Variants in CENPP observed in about 807,000 individuals in gnomAD.
CENPP encodes centromere protein P.
CENPP carries 24 observed loss-of-function variants against 35.6 expected under a neutral mutation model. The observed-to-expected ratio is 0.67, with a 90% confidence interval of 0.49 to 0.95. The LOEUF (loss-of-function observed/expected upper bound fraction) is 0.95, where lower values mean the gene tolerates loss of function less well. Among genes scored for constraint, CENPP ranks in the 40% least tolerant of loss-of-function variants. The pLI is 0.00. For synonymous variants in CENPP, 120 were observed against 125.5 expected (o/e 0.96, Z 0.29); for missense variants, 332 against 345.3 (o/e 0.96, Z 0.31).
intron 5 of CENPP, among the ~76,000 whole-genome samples, chr9:92,589,000 A>C (rs915754542): frequency 3.9e-5 from 6 of 152,128 alleles, no homozygotes; most frequent in Admixed American, 6.6e-5. Flanking sequence ...TTAATATGCA[A>C]ATGTATCATT....
chr9:92,421,417 G>A (rs1019402431), intron 5 of CENPP, among the ~76,000 whole-genome samples: 5 of 152,162 alleles, frequency 3.3e-5, no homozygotes, highest in African/African-American at 1.2e-4. Flanking sequence ...ACATATTTGG[G>A]CTGTGATTTC....
intron 5 of CENPP, among the ~76,000 whole-genome samples, chr9:92,432,976 T>C (rs181999268): frequency 9.3e-4 from 142 of 152,326 alleles, no homozygotes; most frequent in Admixed American, 4.6e-3. Flanking sequence ...GAATCTTTCA[T>C]GGTATTGATT....
At position 92,614,001 on chromosome 9, in the gene CENPP, G is replaced by A. The variant is rs1374839621; in HGVS notation, c.*852G>A. 1 of 152,288 alleles carries A rather than the reference G, an allele frequency of 6.6e-6. No homozygotes were observed. Among genetic ancestry groups the A allele is most frequent in the Non-Finnish European group, 1.5e-5 (1 of 68,100 alleles). 9.4% of individuals were successfully genotyped at this position (152,288 alleles called of 1,614,324 possible). A position where few individuals can be genotyped will look rare whatever the true frequency, so the allele number is the denominator to read the frequency against. On this transcript the variant is annotated 3_prime_UTR_variant, in exon 8 of 8. Coordinates refer to ENST00000375587, the MANE Select transcript of CENPP (RefSeq NM_001012267.3). ...CCACAGCAGTGGCACCCGCGGCTCA[G>A]GGGCTCCTCACAGCCCGGGCTGGTG...
intron 5 of CENPP, among the ~76,000 whole-genome samples, chr9:92,556,193 G>A (rs1044141159): frequency 6.6e-6 from 1 of 152,134 alleles, no homozygotes; most frequent in African/African-American, 2.4e-5. Flanking sequence ...TATTTACATG[G>A]TTTTGAAGTT....
chr9:92,543,581 T>TG (rs1849364686), intron 5 of CENPP, among the ~76,000 whole-genome samples: 1 of 151,750 alleles, frequency 6.6e-6, no homozygotes, highest in East Asian at 1.9e-4. Flanking sequence ...AGAATGACAT[T>TG]GAAAAAAAAA....
At chr9:92,483,875 C>G (rs1845991555) in intron 5 of CENPP, among the ~76,000 whole-genome samples, 1 of 152,202 alleles carries the variant, frequency 6.6e-6, no homozygotes, top group Non-Finnish European at 1.5e-5. Flanking sequence ...CATTAGTGGC[C>G]CTCTGTAACT....
chr9:92,389,495 A>C (rs1264255783), intron 5 of CENPP: 1 of 159,112 alleles, frequency 6.3e-6, no homozygotes, highest in Non-Finnish European at 1.4e-5. Context: ...ATTTGCTAAC[A>C]TTGTAAGGAA....
At chr9:92,350,823 C>T (rs1056512899) in intron 4 of CENPP, among the ~76,000 whole-genome samples, 1 of 152,128 alleles carries the variant, frequency 6.6e-6, no homozygotes, top group East Asian at 1.9e-4. Flanking sequence ...TCTTTGTTTT[C>T]AGTGAATCTA....
At chr9:92,479,125 AGAG>A (rs1484645327) in intron 5 of CENPP, among the ~76,000 whole-genome samples, 2 of 152,150 alleles carry the variant, frequency 1.3e-5, no homozygotes, top group Admixed American at 1.3e-4. Flanking sequence ...CTGAGAGTTG[AGAG>A]GAGAAGGAGA....
chr9:92,592,612 G>A (rs778510581), intron 5 of CENPP, among the ~76,000 whole-genome samples: 15 of 152,296 alleles, frequency 9.8e-5, no homozygotes, highest in East Asian at 1.9e-4. Flanking sequence ...TTGGGAACAC[G>A]TGTGCAGATT....
upstream of CENPP, chr9:92,325,822 G>T: frequency 1.8e-6 from 1 of 555,336 alleles, no homozygotes; most frequent in East Asian, 3.3e-5. Context: ...GCTCTCGTGC[G>T]AGAGCGGAGT....
At chr9:92,332,460 A>T in intron 2 of CENPP, 109 bp downstream of exon 2, 1 of 789,872 alleles carries the variant, frequency 1.3e-6, no homozygotes, top group Non-Finnish European at 1.9e-6. Flanking sequence ...AGTATTTGAA[A>T]GTATGGTTGT....
intron 5 of CENPP, chr9:92,403,588 A>G: frequency 8.1e-7 from 1 of 1,228,582 alleles, no homozygotes; most frequent in South Asian, 4.1e-5. Flanking sequence ...ACCCTTAGTG[A>G]TCTTTAATTA....
intron 5 of CENPP, among the ~76,000 whole-genome samples, chr9:92,556,334 A>T (rs545990568): frequency 2.6e-5 from 4 of 152,286 alleles, no homozygotes; most frequent in African/African-American, 9.6e-5. Flanking sequence ...AGAAAGTTCC[A>T]TGTGCTCTTG....
intron 2 of CENPP, among the ~76,000 whole-genome samples, chr9:92,335,616 G>C (rs1840902278): frequency 6.7e-6 from 1 of 149,618 alleles, no homozygotes; most frequent in Non-Finnish European, 1.5e-5. Context: ...ATGTTCAGTT[G>C]ATCCAGCACC....
rs925443170 is a variant in CENPP at position 92,613,401 on chromosome 9, C to A, written c.*252C>A. 3 of 408,880 alleles carry A rather than the reference C, an allele frequency of 7.3e-6. No homozygotes were observed. The highest frequency in any genetic ancestry group is 2.3e-5 in the South Asian group (1 of 43,436). 25.3% of individuals were successfully genotyped at this position (408,880 alleles called of 1,614,324 possible). On this transcript the variant is annotated 3_prime_UTR_variant, in exon 8 of 8. Coordinates refer to ENST00000375587, the MANE Select transcript of CENPP (RefSeq NM_001012267.3). ...TAAGCTTAACATCTGAGAAAATGTACCAAGTGGTTGTGTGTCCTCAGATGT... is the reference window on the plus strand; with the variant it reads ...TAAGCTTAACATCTGAGAAAATGTAACAAGTGGTTGTGTGTCCTCAGATGT...
intron 5 of CENPP, among the ~76,000 whole-genome samples, chr9:92,510,377 A>G (rs1175362520): frequency 1.3e-5 from 2 of 152,268 alleles, no homozygotes; most frequent in Non-Finnish European, 2.9e-5. Flanking sequence ...CAATAGACAG[A>G]AATTTTATGA....
At chr9:92,364,548 C>T (rs1330246072) in intron 4 of CENPP, among the ~76,000 whole-genome samples, 1 of 151,946 alleles carries the variant, frequency 6.6e-6, no homozygotes, top group African/African-American at 2.4e-5. Context: ...CTTTATGTTC[C>T]CCTGTGTGTA....
At chr9:92,450,090 TTTATTATTA>T (rs971076403) in intron 5 of CENPP, among the ~76,000 whole-genome samples, 1 of 151,142 alleles carries the variant, frequency 6.6e-6, no homozygotes, top group Non-Finnish European at 1.5e-5. Context: ...ATTCTTTCTT[TTTATTATTA>T]TTATTATTAT....
Sources: allele counts gnomAD v4.1 joint callset (sites outside exome capture counted in the v4.1 genomes callset), GRCh38; gene constraint gnomAD v4.1.1; transcripts MANE v1.5; gene names NCBI Gene and HGNC (gene_info 2026-07-23, HGNC 2026-07-21).